The following CELSR2 variants were observed in gnomAD, a reference collection of about 807,000 sequenced individuals.
The protein encoded by CELSR2 is EGF-like protein 2.
In CELSR2, 81 loss-of-function variants were observed where a neutral mutation model predicts 251.6. That is an observed-to-expected ratio of 0.32 (90% CI 0.27 to 0.39). CELSR2 has a LOEUF of 0.39. CELSR2 is among the 10% of genes least tolerant of loss of function. The probability of loss-of-function intolerance (pLI) is 1.00; values close to 1 mark genes in which losing one functional copy is unlikely to be tolerated. For synonymous variants in CELSR2, 1,721 were observed against 1,670.5 expected (o/e 1.03, Z -0.74); for missense variants, 3,365 against 3,947.7 (o/e 0.85, Z 3.96).
Position 109,268,750 on chromosome 1 carries a change from TCACGCCCAA to T in CELSR2, c.6491_6499del (p.Thr2164_Asn2166del). 1 of 1,601,638 alleles carries T rather than the reference TCACGCCCAA, an allele frequency of 6.2e-7. No individual in the cohort carries two copies. The highest frequency in any genetic ancestry group is 8.5e-7 in the Non-Finnish European group (1 of 1,170,280). ...ACCTACCTAAGCCCCTTCACCATCG[TCACGCCCAA>T]CATTGGTAAGGCTGGTGCCTGGGTT... On this transcript the variant is annotated inframe_deletion, in exon 18 of 34. Coordinates refer to ENST00000271332, the MANE Select transcript of CELSR2 (RefSeq NM_001408.3).
Position 109,258,524 on chromosome 1 carries a change from G to A in CELSR2, c.3403G>A (p.Asp1135Asn). Residue 1135 changes from aspartate to asparagine, a missense_variant, in exon 2 of 34, where the codon GAC (aspartate) becomes AAC (asparagine). Asp to Asn is a conservative substitution (Grantham distance 23). Transcript: ENST00000271332. ...LTHSITLRLEDMSPERFLSPL... is the reference protein window; with the variant it reads ...LTHSITLRLENMSPERFLSPL... ...CCACAGCATCACGCTGCGCCTGGAG[G>A]ACATGTCACCCGAGCGCTTCCTGTC... 1.2e-6 allele frequency: 2 copies of A among 1,605,132 alleles called. No individual in the cohort carries two copies. Among genetic ancestry groups the A allele is most frequent in the South Asian group, 2.2e-5 (2 of 89,312 alleles).
At chr1:109,259,369 T>C (rs954502665) in intron 2 of CELSR2, among the ~76,000 whole-genome samples, 1 of 152,252 alleles carries the variant, frequency 6.6e-6, no homozygotes, top group African/African-American at 2.4e-5. Context: ...CGCTAGTAGC[T>C]GTGTGACCTT....
chr1:109,269,645 C>G lies in CELSR2; in HGVS notation c.6981-49C>G. On this transcript the variant is annotated intron_variant, in intron 21 of 33. Coordinates refer to ENST00000271332, the MANE Select transcript of CELSR2 (RefSeq NM_001408.3). This position sits in a 1 kb window ranked among gnomAD's most constrained non-coding sequence, Gnocchi z 6.4. Reference sequence around the variant, plus strand: ...GGCTTCGGGCTGAAAGTCCAGGCCCCTGCATGCCTCACCCTCCTTGTCTCC... The same window carrying G: ...GGCTTCGGGCTGAAAGTCCAGGCCCGTGCATGCCTCACCCTCCTTGTCTCC... 1 of 1,613,754 alleles carries G rather than the reference C, an allele frequency of 6.2e-7. No individual in the cohort carries two copies. The highest frequency in any genetic ancestry group is 8.5e-7 in the Non-Finnish European group (1 of 1,179,714).
rs745988394 is a variant in CELSR2, at chr1:109,269,173, G to A, written c.6695G>A (p.Arg2232Gln). ...GEAQEPEELA[R>Q]RQRRHPELSQ... Reference sequence around the variant, plus strand: ...GCCCAGGAGCCAGAGGAGCTGGCACGGCGACAGCGACGGCACCCGGAGCTG... The same window carrying A: ...GCCCAGGAGCCAGAGGAGCTGGCACAGCGACAGCGACGGCACCCGGAGCTG... The change falls in exon 20 of 34, where the codon CGG (arginine) becomes CAG (glutamine). Residue 2232 changes from arginine (R) to glutamine (Q), a missense_variant. By Grantham distance (43) the Arg-to-Gln change is conservative (BLOSUM62 1). Transcript: ENST00000271332. This position sits in a 1 kb window ranked among gnomAD's most constrained non-coding sequence, Gnocchi z 6.4. 2.5e-6 allele frequency: 4 copies of A among 1,612,104 alleles called. No homozygotes were observed. Among genetic ancestry groups the A allele is most frequent in the Non-Finnish European group, 2.5e-6 (3 of 1,179,452 alleles).
chr1:109,267,441 C>T, intron 15 of CELSR2, 107 bp from the exon 16 acceptor site: 6 of 970,714 alleles, frequency 6.2e-6, no homozygotes, highest in Non-Finnish European at 9.2e-6. Flanking sequence ...TTGCTAGTTA[C>T]TGTCCCCGGC....
At chr1:109,265,711 C>T in intron 13 of CELSR2, 24 bp from the exon 14 acceptor site, 1 of 1,596,138 alleles carries the variant, frequency 6.3e-7, no homozygotes, top group Non-Finnish European at 8.6e-7. Flanking sequence ...TGGCCAGTGA[C>T]ACCGTTCTTC....
At chr1:109,268,838 G>C (rs772770757) in intron 18 of CELSR2, 42 bp from the exon 19 acceptor site, 36 of 1,585,012 alleles carry the variant, frequency 2.3e-5, no homozygotes, top group Non-Finnish European at 6.0e-6. Context: ...CTGGGGTCCT[G>C]CCTGCCTCAC....
intron 31 of CELSR2, 21 bp from the exon 32 acceptor site, chr1:109,273,145 T>C (rs1278241088): frequency 1.2e-6 from 2 of 1,609,704 alleles, no homozygotes; most frequent in African/African-American, 1.3e-5. Context: ...GTGGGCCTCA[T>C]CTACTTCCTT....
At position 109,252,623 on chromosome 1, in the gene CELSR2, C is replaced by G. The variant is rs756947114; in HGVS notation, c.2544C>G (p.Gly848=). The G allele has an allele frequency of 1.2e-6, 2 of 1,613,770 alleles. No individual in the cohort carries two copies. Among genetic ancestry groups the G allele is most frequent in the African/African-American group, 1.3e-5 (1 of 74,922 alleles). The change falls in exon 1 of 34, where the codon GGC becomes GGG. Residue 848 remains glycine (G), a synonymous_variant. Coordinates refer to ENST00000271332, the MANE Select transcript of CELSR2 (RefSeq NM_001408.3). This position sits in a 1 kb window ranked among gnomAD's most constrained non-coding sequence, Gnocchi z 4.8. ...SATDRDSGLN[G]RVFYTFQGGD... is the part of the protein sequence containing the mutation. ...CTGATCGTGATTCTGGACTTAATGG[C>G]AGGGTCTTCTACACCTTCCAAGGAG...
At chr1:109,272,487 TGAG>T (rs928243865) in intron 29 of CELSR2, 82 bp downstream of exon 29, 5 of 1,546,326 alleles carry the variant, frequency 3.2e-6, no homozygotes, top group Non-Finnish European at 4.4e-6. Context: ...TGTTGGGAGT[TGAG>T]GAGCACACAC....
Position 109,272,989 on chromosome 1 carries a change from C to T in CELSR2, c.8300C>T (p.Pro2767Leu). Residue 2767 changes from proline to leucine, a missense_variant, in exon 31 of 34, where the codon CCT becomes CTT. Pro to Leu is a moderately conservative substitution (Grantham distance 98). Coordinates refer to ENST00000271332, the MANE Select transcript of CELSR2 (RefSeq NM_001408.3). Reference sequence around the variant, plus strand: ...CAGGGCTGGGATAGCCTGCTGGGGCCTGGAGCAGAGAGACTGCCCCTGCAC... The same window carrying T: ...CAGGGCTGGGATAGCCTGCTGGGGCTTGGAGCAGAGAGACTGCCCCTGCAC... ...GEQGWDSLLG[P>L]GAERLPLHST... is the part of the protein sequence containing the mutation. 6.2e-7 allele frequency: 1 copy of T among 1,613,848 alleles called. No individual in the cohort carries two copies. The highest frequency in any genetic ancestry group is 8.5e-7 in the Non-Finnish European group (1 of 1,179,878).
In CELSR2 at chr1:109,273,564, C is replaced by T; in HGVS notation, c.8638C>T (p.Pro2880Ser). ...TGAGGGCAGCCGGGGAGGCCCCCCT[C>T]CCCGCCCACCGCCCCGGCAGAGCCT... is the stretch of plus-strand genomic sequence containing the variant. Reference protein sequence around the residue: ...ASEGSRGGPPPRPPPRQSLQE... With the variant: ...ASEGSRGGPPSRPPPRQSLQE... The change falls in exon 33 of 34, where the codon CCC becomes TCC. Residue 2880 changes from proline to serine, a missense_variant. Pro to Ser is a moderately conservative substitution (Grantham distance 74). This residue lies in a region of CELSR2 where 2,093 missense variants were observed against 2,382.8 expected (regional missense o/e 0.88). Transcript: ENST00000271332. The T allele has an allele frequency of 6.4e-7, 1 of 1,567,318 alleles. No homozygotes were observed. The highest frequency in any genetic ancestry group is 8.6e-7 in the Non-Finnish European group (1 of 1,156,378).
chr1:109,262,243 C>T (rs1211943180), intron 5 of CELSR2, 44 bp from the exon 6 acceptor site: 3 of 1,603,400 alleles, frequency 1.9e-6, no homozygotes, highest in South Asian at 2.2e-5. Flanking sequence ...ACCTAGTGGG[C>T]TCTGTACTCA....
chr1:109,264,728 T>C (rs1656141266), intron 11 of CELSR2, 100 bp downstream of exon 11: 2 of 1,574,826 alleles, frequency 1.3e-6, no homozygotes, highest in East Asian at 4.5e-5. Context: ...ACACCACCTC[T>C]CTGAGTCTTA....
In CELSR2 at chr1:109,273,546, A is replaced by G. The variant is rs952745222; in HGVS notation, c.8620A>G (p.Ser2874Gly). The G allele has an allele frequency of 2.5e-6, 4 of 1,581,862 alleles. No homozygotes were observed. The highest frequency in any genetic ancestry group is 2.7e-5 in the African/African-American group (2 of 73,916). The change falls in exon 33 of 34, where the codon AGC (serine) becomes GGC (glycine). Residue 2874 changes from serine to glycine, a missense_variant. Physicochemically the swap from Ser to Gly is moderately conservative, Grantham distance 56 (BLOSUM62 0). This residue lies in a region of CELSR2 where 2,093 missense variants were observed against 2,382.8 expected (regional missense o/e 0.88). Transcript: ENST00000271332. ...SSRGSSASEG[S>G]RGGPPPRPPP... ...CCGGGGCTCCTCCGCTAGTGAGGGC[A>G]GCCGGGGAGGCCCCCCTCCCCGCCC...
chr1:109,271,172 C>A, intron 25 of CELSR2, 45 bp from the exon 26 acceptor site: 1 of 1,587,520 alleles, frequency 6.3e-7, no homozygotes. Context: ...TGGGTGGAAG[C>A]TGTTTGTCCC....
At chr1:109,257,780 TG>T (rs2101244715) in intron 1 of CELSR2, among the ~76,000 whole-genome samples, 1 of 152,280 alleles carries the variant, frequency 6.6e-6, no homozygotes, top group South Asian at 2.1e-4. Flanking sequence ...CTGGTTAACG[TG>T]GCTCAGCTGG....
Position 109,264,902 on chromosome 1 carries a change from C to A in CELSR2, c.5499C>A (p.Asp1833Glu). ...GTGACAACTGTACTAATGTGTGTGA[C>A]CTGAACCCGTGTGAGCACCAGTCTG... is the stretch of plus-strand genomic sequence containing the variant. ...YYGDNCTNVC[D>E]LNPCEHQSVC... The change falls in exon 12 of 34, where the codon GAC (aspartate) becomes GAA (glutamate). Residue 1833 changes from aspartate to glutamate, a missense_variant. Physicochemically the swap from Asp to Glu is conservative, Grantham distance 45 (BLOSUM62 2). This residue lies in a region of CELSR2 where 2,093 missense variants were observed against 2,382.8 expected (regional missense o/e 0.88). Coordinates refer to ENST00000271332, the MANE Select transcript of CELSR2 (RefSeq NM_001408.3). 6.2e-7 allele frequency: 1 copy of A among 1,614,202 alleles called. No homozygotes were observed.
At chr1:109,259,125 T>C (rs762245209) in intron 2 of CELSR2, 46 bp downstream of exon 2, 4 of 1,471,370 alleles carry the variant, frequency 2.7e-6, no homozygotes, top group Admixed American at 2.2e-5. Context: ...GAAGGCTGAC[T>C]GTGTGGTGCA....
Sources: gnomAD v4.1 joint callset for allele counts (sites outside exome capture counted in the v4.1 genomes callset) on GRCh38, gnomAD v4.1.1 for gene constraint, gnomAD v4.1.1 regional missense constraint, Gnocchi (gnomAD v3.1) non-coding constraint, MANE v1.5 for transcripts, NCBI Gene and HGNC (gene_info 2026-07-23, HGNC 2026-07-21) for gene names.